C3orf49: variants seen among roughly 807,000 people sequenced by gnomAD.
C3orf49 encodes the protein chromosome 3 open reading frame 49.
In C3orf49, 27 loss-of-function variants were observed where a neutral mutation model predicts 13.3. That is an observed-to-expected ratio of 2.02 (90% CI 1.49 to 2.79). The LOEUF is 2.79. Ranked by LOEUF, C3orf49 falls within the 30% of genes most tolerant of loss-of-function variation. C3orf49 has a pLI of 0.00. For synonymous variants in C3orf49, 87 were observed against 47.6 expected, an observed-to-expected ratio of 1.83 and a Z score of -3.40; for missense variants, 242 against 134.2, an observed-to-expected ratio of 1.80 and a Z score of -3.97.
At chr3:63,814,677 GTGGTTGATAAAGAGAGT>G (rs1559596497), upstream of C3orf49, among the ~76,000 whole-genome samples, 1 of 152,090 alleles carries the variant, frequency 6.6e-6, no homozygotes, top group African/African-American at 2.4e-5. Flanking sequence ...CCTGTGAAGG[GTGGTTGATAAAGAGAGT>G]TGACTGATGG....
the C3orf49 span, among the ~76,000 whole-genome samples, chr3:63,812,975 CA>C: frequency 2.0e-5 from 3 of 152,172 alleles, no homozygotes; most frequent in Non-Finnish European, 4.4e-5. Flanking sequence ...TGCCTGTTGG[CA>C]TGTGAATGTA....
rs1223832694 is a variant in C3orf49, at chr3:63,843,606, T to TA, written c.850-1409dup. On this transcript the variant is annotated intron_variant, in intron 5 of 6. Coordinates refer to ENST00000295896, the MANE Select transcript of C3orf49 (RefSeq NM_001355236.2). ...GGTGTTTACCAACAGATGAATGAAT[T>TA]AAAAAAAATGTGGGCTGGGCGTGGT... 5.9e-5 allele frequency among the ~76,000 whole-genome samples: 9 copies of TA among 151,764 alleles called. No homozygotes were observed. The East Asian group carries it at 1.8e-3, about 30-fold the overall frequency.
the C3orf49 span, among the ~76,000 whole-genome samples, chr3:63,807,857 C>CAAAAAAA: frequency 5.9e-4 from 19 of 32,206 alleles, no homozygotes; most frequent in African/African-American, 7.7e-4. Context: ...AACTTCATCT[C>CAAAAAAA]AAAAAAAAAA....
the C3orf49 span, among the ~76,000 whole-genome samples, chr3:63,808,692 C>G: frequency 6.6e-6 from 1 of 152,174 alleles, no homozygotes; most frequent in Non-Finnish European, 1.5e-5. Flanking sequence ...GTTGGTCAAG[C>G]TTTTATTGAA....
At chr3:63,794,174 C>T in the C3orf49 span, among the ~76,000 whole-genome samples, 237 of 139,094 alleles carry the variant, frequency 1.7e-3, 2 homozygotes, top group Middle Eastern at 0.017. Flanking sequence ...CACACACATA[C>T]ACACACACAC....
At chr3:63,845,707 C>A (rs145973952) in intron 6 of C3orf49, among the ~76,000 whole-genome samples, 1 of 152,062 alleles carries the variant, frequency 6.6e-6, no homozygotes, top group Admixed American at 6.5e-5. Context: ...TTGGTCAAGG[C>A]GATCTCAAAG....
intron 1 of C3orf49, among the ~76,000 whole-genome samples, chr3:63,822,860 C>T (rs1030793925): frequency 1.3e-5 from 2 of 152,206 alleles, no homozygotes; most frequent in African/African-American, 4.8e-5. Context: ...CTATGTCAAA[C>T]TATCATTGAA....
At chr3:63,830,819 C>T (rs2107107136) in intron 3 of C3orf49, among the ~76,000 whole-genome samples, 1 of 152,316 alleles carries the variant, frequency 6.6e-6, no homozygotes, top group South Asian at 2.1e-4. Flanking sequence ...GCAATTTCTT[C>T]TTCTTCCCCT....
At chr3:63,831,298 G>A in intron 4 of C3orf49, 75 bp downstream of exon 4, 1 of 663,780 alleles carries the variant, frequency 1.5e-6, no homozygotes, top group Admixed American at 2.5e-5. Flanking sequence ...GCACAGCCCT[G>A]CTAGACAGCA....
upstream of C3orf49, among the ~76,000 whole-genome samples, chr3:63,815,374 C>A (rs1042173198): frequency 6.6e-6 from 1 of 152,154 alleles, no homozygotes; most frequent in African/African-American, 2.4e-5. Flanking sequence ...CATCTGTTGC[C>A]GGCCTGGACC....
chr3:63,802,922 A>G, the C3orf49 span, among the ~76,000 whole-genome samples: 1 of 152,076 alleles, frequency 6.6e-6, no homozygotes, highest in Non-Finnish European at 1.5e-5. Flanking sequence ...AGACACACAC[A>G]CTAAGCAAAA....
the C3orf49 span, among the ~76,000 whole-genome samples, chr3:63,790,182 T>C: frequency 6.6e-6 from 1 of 152,044 alleles, no homozygotes; most frequent in African/African-American, 2.4e-5. Context: ...TAAGAGAGGG[T>C]ATGCAAGTGG....
At chr3:63,807,038 A>G in the C3orf49 span, among the ~76,000 whole-genome samples, 1 of 151,662 alleles carries the variant, frequency 6.6e-6, no homozygotes. Flanking sequence ...TGCAAGCTCC[A>G]TCTCCTGGGT....
At chr3:63,784,744 G>T in the C3orf49 span, 1 of 152,170 alleles carries the variant, frequency 6.6e-6, no homozygotes, top group African/African-American at 2.4e-5. Context: ...TAATCTCCCA[G>T]CTACTCAGGA....
At chr3:63,835,324 C>T (rs1701607770) in intron 5 of C3orf49, 1 of 1,613,394 alleles carries the variant, frequency 6.2e-7, no homozygotes, top group Non-Finnish European at 8.5e-7. Context: ...ATGCGAATAC[C>T]TTATCTTCAA....
In C3orf49 at chr3:63,827,694, C is replaced by G. The variant is rs1161614238; in HGVS notation, c.539C>G (p.Ser180Cys). ...LRARRTTKRL[S>C]VTSLPSGLQK... Reference sequence around the variant, plus strand: ...GCCAGGAGAACCACCAAGCGGTTATCTGTGACATCTCTTCCTTCAGGACTG... The same window carrying G: ...GCCAGGAGAACCACCAAGCGGTTATGTGTGACATCTCTTCCTTCAGGACTG... Residue 180 changes from serine (S) to cysteine (C), a missense_variant, in exon 3 of 7, where the codon TCT becomes TGT. Physicochemically the swap from Ser to Cys is moderately radical, Grantham distance 112 (BLOSUM62 -1). Transcript: ENST00000295896. The G allele has an allele frequency of 1.4e-6, 1 of 702,958 alleles. No homozygotes were observed. The highest frequency in any genetic ancestry group is 2.6e-6 in the Non-Finnish European group (1 of 385,016). The allele number at this position is 702,958 out of a possible 1,614,324, so 43.5% of individuals were successfully genotyped here.
the C3orf49 span, among the ~76,000 whole-genome samples, chr3:63,801,105 G>A: frequency 3.3e-5 from 5 of 152,170 alleles, no homozygotes; most frequent in South Asian, 2.1e-4. Context: ...AAAAAAGGGA[G>A]ACACTTGTTG....
chr3:63,814,405 T>C (rs970960112), upstream of C3orf49, among the ~76,000 whole-genome samples: 5 of 152,028 alleles, frequency 3.3e-5, no homozygotes, highest in Admixed American at 3.3e-4. Context: ...TTTCCCTGCT[T>C]GGTTCCTGCG....
the C3orf49 span, among the ~76,000 whole-genome samples, chr3:63,813,111 T>C: frequency 6.6e-6 from 1 of 152,224 alleles, no homozygotes; most frequent in African/African-American, 2.4e-5. Flanking sequence ...ACCAACCTTC[T>C]TCTTTTAATG....
Sources: gnomAD v4.1 joint callset for allele counts (sites outside exome capture counted in the v4.1 genomes callset) on GRCh38, gnomAD v4.1.1 for gene constraint, MANE v1.5 for transcripts, NCBI Gene and HGNC (gene_info 2026-07-23, HGNC 2026-07-21) for gene names.